IKZF2: variants seen among roughly 807,000 people sequenced by gnomAD.
IKZF2 encodes zinc finger protein Helios.
A neutral mutation model predicts 49.2 loss-of-function variants in IKZF2; 15 were observed. The observed-to-expected ratio is 0.30, with a 90% CI of 0.20 to 0.47. IKZF2 has a LOEUF of 0.47. IKZF2 is among the 20% of genes least tolerant of loss of function. The pLI is 1.00. For missense variants in IKZF2, 567 were observed against 664.6 expected (o/e 0.85, Z 1.61); for synonymous variants, 227 against 221.4 (o/e 1.03, Z -0.23).
chr2:213,100,737 T>C (rs1333571022), intron 4 of IKZF2, among the ~76,000 whole-genome samples: 1 of 152,018 alleles, frequency 6.6e-6, no homozygotes, highest in East Asian at 1.9e-4. Context: ...TAGGAATACT[T>C]GGCAACATTA....
intron 4 of IKZF2, among the ~76,000 whole-genome samples, chr2:213,104,051 G>A (rs10497991): frequency 0.35 from 53,573 of 151,812 alleles, 11,855 homozygotes; most frequent in East Asian, 0.73. Context: ...GACACACCTC[G>A]GATTCGATTT....
At chr2:213,055,984 A>G (rs1408438073) in intron 5 of IKZF2, among the ~76,000 whole-genome samples, 1 of 152,132 alleles carries the variant, frequency 6.6e-6, no homozygotes, top group South Asian at 2.1e-4. Flanking sequence ...CATTACCATT[A>G]AACCAATTTT....
chr2:213,137,210 T>C (rs1440803854), intron 4 of IKZF2, among the ~76,000 whole-genome samples: 1 of 152,136 alleles, frequency 6.6e-6, no homozygotes, highest in East Asian at 1.9e-4. Flanking sequence ...GTGTGTAAAT[T>C]CATGCTTCGA....
intron 6 of IKZF2, among the ~76,000 whole-genome samples, chr2:213,026,439 A>G (rs1462615692): frequency 6.6e-6 from 1 of 152,190 alleles, no homozygotes; most frequent in African/African-American, 2.4e-5. Context: ...TTGAGAAATT[A>G]TAACAATATC....
Position 213,007,155 on chromosome 2 carries a change from C to T in IKZF2, c.*205G>A. ...GCCAGGTGATAAAGAAACAATATTC[C>T]CGCCCCTTCTCTCTTCTGTTTCTTC... On this transcript the variant is annotated 3_prime_UTR_variant, in exon 9 of 9. Coordinates refer to ENST00000434687, the MANE Select transcript of IKZF2 (RefSeq NM_001387220.1). The T allele has an allele frequency of 1.9e-6, 1 of 517,678 alleles. No individual in the cohort carries two copies. The highest frequency in any genetic ancestry group is 3.2e-5 in the East Asian group (1 of 31,322). 32.1% of individuals were successfully genotyped at this position (517,678 alleles called of 1,614,324 possible).
At chr2:213,129,760 T>C (rs2060411060) in intron 4 of IKZF2, among the ~76,000 whole-genome samples, 1 of 152,138 alleles carries the variant, frequency 6.6e-6, no homozygotes, top group Non-Finnish European at 1.5e-5. Context: ...ACTGTTGCAA[T>C]ATTTTAGGCT....
intron 4 of IKZF2, among the ~76,000 whole-genome samples, chr2:213,146,767 G>GT (rs2061087076): frequency 8.3e-6 from 1 of 120,320 alleles, no homozygotes; most frequent in Non-Finnish European, 1.8e-5. Context: ...TTCGGGGGGG[G>GT]GGAAGGAAAG....
At chr2:213,148,986 C>T (rs1433095280) in intron 2 of IKZF2, among the ~76,000 whole-genome samples, 1 of 152,122 alleles carries the variant, frequency 6.6e-6, no homozygotes, top group Admixed American at 6.5e-5. Flanking sequence ...AGTGTTTTAC[C>T]ATTCACTACT....
intron 4 of IKZF2, among the ~76,000 whole-genome samples, chr2:213,080,493 C>A (rs578188483): frequency 1.3e-5 from 2 of 152,010 alleles, no homozygotes; most frequent in Non-Finnish European, 2.9e-5. Context: ...TATTATAATT[C>A]AGAAAACTTT....
In IKZF2 at chr2:213,004,746, T is replaced by C. The variant is rs1277684795; in HGVS notation, c.*2614A>G. On this transcript the variant is annotated 3_prime_UTR_variant, in exon 9 of 9. Coordinates refer to ENST00000434687, the MANE Select transcript of IKZF2 (RefSeq NM_001387220.1). ...GACCCACAAATTTGAATTGACTTTG[T>C]CCTCAATTGTCCCTGCCACACCCTG... 3 of 152,138 alleles carry C rather than the reference T, an allele frequency of 2.0e-5. No homozygotes were observed. Among genetic ancestry groups the C allele is most frequent in the Non-Finnish European group, 2.9e-5 (2 of 67,948 alleles). 9.4% of individuals were successfully genotyped at this position (152,138 alleles called of 1,614,324 possible).
At chr2:213,034,513 A>C (rs1253362643) in intron 6 of IKZF2, among the ~76,000 whole-genome samples, 1 of 152,160 alleles carries the variant, frequency 6.6e-6, no homozygotes, top group African/African-American at 2.4e-5. Context: ...TAATTTCAGT[A>C]TTTTTGCATT....
Position 213,150,243 on chromosome 2 carries a change from T to C in IKZF2, c.-115A>G. On this transcript the variant is annotated 5_prime_UTR_variant, in exon 2 of 9. Transcript: ENST00000434687. ...ACCCCTCAAAGAGGAGGTGACAATG[T>C]CGGGCTGAAGATAAACGGAGGGAGA... The C allele has an allele frequency of 1.7e-6, 2 of 1,183,674 alleles. No homozygotes were observed. Among genetic ancestry groups the C allele is most frequent in the South Asian group, 2.6e-5 (2 of 78,426 alleles). The allele number at this position is 1,183,674 out of a possible 1,614,324, so 73.3% of individuals were successfully genotyped here.
chr2:213,091,985 ATTAAT>A (rs1193927881), intron 4 of IKZF2, among the ~76,000 whole-genome samples: 1 of 150,746 alleles, frequency 6.6e-6, no homozygotes, highest in Non-Finnish European at 1.5e-5. Context: ...TTATATTTTT[ATTAAT>A]TTATCTATTT....
Position 213,013,857 on chromosome 2 carries a change from C to T in IKZF2, c.790G>A (p.Ala264Thr). ...NISLVPFERPAVIEKLTGNMG... is the reference protein window; with the variant it reads ...NISLVPFERPTVIEKLTGNMG... The stretch of plus-strand genomic sequence containing the variant: ...TTCCCCGTGAGCTTCTCTATGACAG[C>T]AGGTCTCTCAAAAGGCACCAGAGAA... Residue 264 changes from alanine (A) to threonine (T), a missense_variant, in exon 8 of 9, where the codon GCT becomes ACT. Physicochemically the swap from Ala to Thr is moderately conservative, Grantham distance 58 (BLOSUM62 0). Transcript: ENST00000434687. 6.2e-7 allele frequency: 1 copy of T among 1,612,062 alleles called. No homozygotes were observed. Among genetic ancestry groups the T allele is most frequent in the East Asian group, 2.2e-5 (1 of 44,816 alleles).
At chr2:213,012,476 A>G (rs1696071081) in intron 8 of IKZF2, among the ~76,000 whole-genome samples, 1 of 152,076 alleles carries the variant, frequency 6.6e-6, no homozygotes, top group Non-Finnish European at 1.5e-5. Flanking sequence ...AAAAATCAAT[A>G]TTAAAAATAA....
intron 6 of IKZF2, among the ~76,000 whole-genome samples, chr2:213,041,786 T>C (rs1351898159): frequency 6.6e-6 from 1 of 152,208 alleles, no homozygotes; most frequent in East Asian, 1.9e-4. Flanking sequence ...CAGACATTAG[T>C]AGACAAGAAA....
intron 4 of IKZF2, among the ~76,000 whole-genome samples, chr2:213,134,185 A>G (rs2060574134): frequency 6.6e-6 from 1 of 152,176 alleles, no homozygotes; most frequent in African/African-American, 2.4e-5. Flanking sequence ...AAATGGAAAA[A>G]CCAGCGATCA....
intron 5 of IKZF2, among the ~76,000 whole-genome samples, chr2:213,052,356 T>G (rs1358467923): frequency 6.6e-6 from 1 of 152,054 alleles, no homozygotes; most frequent in Non-Finnish European, 1.5e-5. Flanking sequence ...TTTCTTCCTT[T>G]TTTTGGTAAG....
chr2:213,033,906 C>G (rs970388267), intron 6 of IKZF2, among the ~76,000 whole-genome samples: 1 of 152,220 alleles, frequency 6.6e-6, no homozygotes, highest in Non-Finnish European at 1.5e-5. Context: ...ATGGCCTCTT[C>G]TTCTAATAGA....
Sources: gnomAD v4.1 joint callset for allele counts (sites outside exome capture counted in the v4.1 genomes callset) on GRCh38, gnomAD v4.1.1 for gene constraint, MANE v1.5 for transcripts, NCBI Gene and HGNC (gene_info 2026-07-23, HGNC 2026-07-21) for gene names.